The following NEK10 variants were observed in gnomAD, a reference collection of about 807,000 sequenced individuals.
The protein encoded by NEK10 is NIMA related kinase 10, also known as serine/threonine-protein kinase Nek10.
NEK10 carries 122 observed loss-of-function variants against 159.8 expected under a neutral mutation model. The observed-to-expected ratio is 0.76, with a 90% CI of 0.66 to 0.89. The LOEUF (loss-of-function observed/expected upper bound fraction) is 0.89. NEK10 is among the 40% of genes least tolerant of loss of function. The pLI is 0.00. For synonymous variants in NEK10, 466 were observed against 457.1 expected, an observed-to-expected ratio of 1.02 and a Z score of -0.25; for missense variants, 1,342 against 1,323.1, an observed-to-expected ratio of 1.01 and a Z score of -0.22.
chr3:27,169,727 C>T (rs1946786828), intron 29 of NEK10, among the ~76,000 whole-genome samples: 2 of 152,270 alleles, frequency 1.3e-5, no homozygotes, highest in South Asian at 4.1e-4. Context: ...TATGTGATTC[C>T]CAGCACCCTC....
At chr3:27,295,166 C>A (rs1173078441) in intron 15 of NEK10, among the ~76,000 whole-genome samples, 2 of 152,180 alleles carry the variant, frequency 1.3e-5, no homozygotes, top group East Asian at 3.8e-4. Flanking sequence ...ACAGCTTTCA[C>A]ACTTGGTGCA....
At chr3:27,291,617 G>T in intron 16 of NEK10, 31 bp from the exon 17 acceptor site, 1 of 1,197,750 alleles carries the variant, frequency 8.3e-7, no homozygotes. Context: ...ACTTAAAGTA[G>T]AACTTGGACA....
chr3:27,335,125 G>A (rs1314376645), intron 5 of NEK10, among the ~76,000 whole-genome samples: 1 of 152,034 alleles, frequency 6.6e-6, no homozygotes, highest in Non-Finnish European at 1.5e-5. Flanking sequence ...GATCACCTGA[G>A]GTCAGGAGTT....
At chr3:27,178,829 G>C (rs1172647840) in intron 26 of NEK10, among the ~76,000 whole-genome samples, 3 of 152,194 alleles carry the variant, frequency 2.0e-5, no homozygotes, top group African/African-American at 7.2e-5. Context: ...GGAAGACTTG[G>C]CTTTGCCACA....
Position 27,106,835 on chromosome 3 carries a change from T to C in NEK10, c.*4437A>G, listed in dbSNP as rs1233959747. 6.6e-6 allele frequency among the ~76,000 whole-genome samples: 1 copy of C among 152,308 alleles called. No individual in the cohort carries two copies. The highest frequency in any genetic ancestry group is 1.9e-4 in the East Asian group (1 of 5,176). On this transcript the variant is annotated 3_prime_UTR_variant, in exon 36 of 36. Transcript: ENST00000691995. Reference sequence around the variant, plus strand: ...AATGACAGTCAGCCATAATCCTCCATACATAAAGACAAAATTCTATCTTTG... The same window carrying C: ...AATGACAGTCAGCCATAATCCTCCACACATAAAGACAAAATTCTATCTTTG...
chr3:27,287,136 T>TAAA lies in NEK10; in HGVS notation c.1789+559_1789+561dup, dbSNP rs36078735. On this transcript the variant is annotated intron_variant, in intron 20 of 35. Transcript: ENST00000691995. Reference sequence around the variant, plus strand: ...TATTATTTCTGTCATAGGCCCTACTTAAAAAAAAAAAAAAAAAAAGAGTGG... The same window carrying TAAA: ...TATTATTTCTGTCATAGGCCCTACTTAAAAAAAAAAAAAAAAAAAAAAGAGTGG... Among the ~76,000 whole-genome samples the TAAA allele has an allele frequency of 5.0e-3, 670 of 134,470 alleles. 6 individuals carry two copies. The highest frequency in any genetic ancestry group is 0.015 in the African/African-American group (551 of 35,972). The allele number at this position is 134,470 out of a possible 152,430, so 88.2% of individuals were successfully genotyped here. A position where few individuals can be genotyped will look rare whatever the true frequency, so the allele number is the denominator to read the frequency against.
rs544467668 is a variant in NEK10, at chr3:27,305,361, C to T, written c.804-390G>A. 7.9e-5 allele frequency among the ~76,000 whole-genome samples: 12 copies of T among 152,042 alleles called. No homozygotes were observed. The East Asian group carries it at 2.3e-3, about 29-fold the overall frequency. On this transcript the variant is annotated intron_variant, in intron 11 of 35. Transcript: ENST00000691995. ...GCATCATCGTTGGTCTGATTAAAAACCTACTGACCAGCATTGGCAGGGCGT... is the reference window on the plus strand; with the variant it reads ...GCATCATCGTTGGTCTGATTAAAAATCTACTGACCAGCATTGGCAGGGCGT...
At chr3:27,263,611 C>T (rs182367343) in intron 22 of NEK10, among the ~76,000 whole-genome samples, 5 of 152,274 alleles carry the variant, frequency 3.3e-5, no homozygotes, top group Admixed American at 6.5e-5. Flanking sequence ...TAGGACCCTC[C>T]GAGCCAGGCA....
At chr3:27,356,929 G>A (rs1220526506) in intron 1 of NEK10, among the ~76,000 whole-genome samples, 1 of 152,194 alleles carries the variant, frequency 6.6e-6, no homozygotes, top group African/African-American at 2.4e-5. Flanking sequence ...AGCACATAGT[G>A]CATGACACAG....
intron 23 of NEK10, among the ~76,000 whole-genome samples, chr3:27,229,797 A>G (rs1049922815): frequency 2.6e-5 from 4 of 152,134 alleles, no homozygotes; most frequent in African/African-American, 9.6e-5. Flanking sequence ...AAAGGCTTTC[A>G]AATTAACCCA....
At position 27,262,569 on chromosome 3, in the gene NEK10, C is replaced by T. The variant is rs531646350; in HGVS notation, c.2015-6198G>A. ...TTTCTCTAAACTTCTCTTCTCGCTT[C>T]ATTTCATTCATTTGATCTTCCATCA... is the stretch of plus-strand genomic sequence containing the variant. On this transcript the variant is annotated intron_variant, in intron 22 of 35. Transcript: ENST00000691995. Among the ~76,000 whole-genome samples the T allele has an allele frequency of 2.9e-3, 443 of 152,258 alleles. 4 individuals carry two copies. Among genetic ancestry groups the T allele is most frequent in the African/African-American group, 0.01 (431 of 41,548 alleles).
intron 5 of NEK10, among the ~76,000 whole-genome samples, chr3:27,337,020 A>C (rs1603051): frequency 0.81 from 121,129 of 149,586 alleles, 50,039 homozygotes; most frequent in East Asian, 0.94. Flanking sequence ...TAAAAGGCAT[A>C]CACATTTGGC....
intron 22 of NEK10, chr3:27,278,808 A>G: frequency 3.0e-6 from 3 of 985,428 alleles, no homozygotes; most frequent in Non-Finnish European, 3.6e-6. Flanking sequence ...AGTTTTACCA[A>G]ATTCCCTCAA....
At position 27,174,643 on chromosome 3, in the gene NEK10, G is replaced by A. The variant is rs757480252; in HGVS notation, c.2689+7C>T. 1 of 1,608,134 alleles carries A rather than the reference G, an allele frequency of 6.2e-7. No homozygotes were observed. The highest frequency in any genetic ancestry group is 8.5e-7 in the Non-Finnish European group (1 of 1,177,346). On this transcript the variant is annotated splice_region_variant and intron_variant, in intron 27 of 35. Transcript: ENST00000691995. ...TACCTACGTTGACACACTGCCACTA[G>A]CAGTACCTTTCTCAGCATTTTCCAG...
intron 23 of NEK10, among the ~76,000 whole-genome samples, chr3:27,249,631 T>G (rs1012147708): frequency 6.6e-6 from 1 of 151,980 alleles, no homozygotes; most frequent in Non-Finnish European, 1.5e-5. Flanking sequence ...AAATGCATTT[T>G]TAATAGGCAA....
chr3:27,324,454 T>G (rs1164708016), intron 5 of NEK10, among the ~76,000 whole-genome samples: 1 of 152,168 alleles, frequency 6.6e-6, no homozygotes, highest in Non-Finnish European at 1.5e-5. Context: ...CTTCCAGTCA[T>G]CTAGGTAACC....
intron 32 of NEK10, among the ~76,000 whole-genome samples, chr3:27,130,826 T>G (rs1942532593): frequency 1.3e-5 from 2 of 152,212 alleles, no homozygotes; most frequent in African/African-American, 4.8e-5. Flanking sequence ...TCTACTGCTT[T>G]GATCTCCTTC....
intron 23 of NEK10, among the ~76,000 whole-genome samples, chr3:27,239,450 T>A (rs1575406214): frequency 6.6e-6 from 1 of 152,168 alleles, no homozygotes; most frequent in East Asian, 1.9e-4. Context: ...GAAGGCAGAC[T>A]CGAAAATCTC....
At chr3:27,237,890 G>A (rs1191673405) in intron 23 of NEK10, among the ~76,000 whole-genome samples, 1 of 152,154 alleles carries the variant, frequency 6.6e-6, no homozygotes, top group Admixed American at 6.6e-5. Context: ...ATGTGAAATT[G>A]TATAAAAAGG....
Sources: allele counts gnomAD v4.1 joint callset (sites outside exome capture counted in the v4.1 genomes callset), GRCh38; gene constraint gnomAD v4.1.1; transcripts MANE v1.5; gene names NCBI Gene and HGNC (gene_info 2026-07-23, HGNC 2026-07-21).